The following RNF216 variants were observed in gnomAD, a reference collection of about 807,000 sequenced individuals.
RNF216 encodes E3 ubiquitin-protein ligase RNF216.
A neutral mutation model predicts 110.8 loss-of-function variants in RNF216; 72 were observed. That is an observed-to-expected ratio of 0.65 (90% CI 0.54 to 0.79). RNF216 has a LOEUF of 0.79. Among genes scored for constraint, RNF216 ranks in the 30% least tolerant of loss-of-function variants. The pLI, the probability that RNF216 is intolerant of heterozygous loss-of-function variation, is 0.00. For missense variants in RNF216, 1,342 were observed against 1,141.2 expected, an observed-to-expected ratio of 1.18 and a Z score of -2.54; for synonymous variants, 495 against 407.5, an observed-to-expected ratio of 1.21 and a Z score of -2.59.
intron 9 of RNF216, among the ~76,000 whole-genome samples, chr7:5,720,752 T>G (rs896683037): frequency 3.3e-5 from 5 of 152,134 alleles, no homozygotes; most frequent in African/African-American, 1.2e-4. Flanking sequence ...ATACTATATT[T>G]AGAAAAATTA....
chr7:5,634,964 C>T (rs1787308928), intron 15 of RNF216, among the ~76,000 whole-genome samples: 1 of 152,068 alleles, frequency 6.6e-6, no homozygotes, highest in African/African-American at 2.4e-5. Flanking sequence ...GGTCCCCACC[C>T]CTCTGCAAGG....
At chr7:5,700,524 T>C (rs1584474402) in intron 13 of RNF216, among the ~76,000 whole-genome samples, 1 of 152,304 alleles carries the variant, frequency 6.6e-6, no homozygotes, top group East Asian at 1.9e-4. Context: ...TAATAGGTGG[T>C]GTGTGGTTTC....
At chr7:5,639,482 G>A (rs1348789747) in intron 15 of RNF216, among the ~76,000 whole-genome samples, 1 of 148,428 alleles carries the variant, frequency 6.7e-6, no homozygotes, top group Non-Finnish European at 1.5e-5. Flanking sequence ...TTTTTTTTTT[G>A]AGACAGAGTC....
At position 5,660,265 on chromosome 7, in the gene RNF216, C is replaced by CTTTTTTTTTTTTTTTT. The variant is rs66617363; in HGVS notation, c.2062-7771_2062-7756dup. On this transcript the variant is annotated intron_variant, in intron 13 of 16. Coordinates refer to ENST00000389902, the MANE Select transcript of RNF216 (RefSeq NM_207111.4). ...ACAGAGCCCGGCCCTGTTTTAAATT[C>CTTTTTTTTTTTTTTTT]TTTTTTTTTTTTTTTTTTTTTTTTT... is the stretch of plus-strand genomic sequence containing the variant. 3.0e-4 allele frequency among the ~76,000 whole-genome samples: 10 copies of CTTTTTTTTTTTTTTTT among 33,652 alleles called. 2 individuals are homozygous for CTTTTTTTTTTTTTTTT. Among genetic ancestry groups the CTTTTTTTTTTTTTTTT allele is most frequent in the Non-Finnish European group, 5.5e-4 (9 of 16,338 alleles). 22.1% of individuals were successfully genotyped at this position (33,652 alleles called of 152,430 possible). A position where few individuals can be genotyped will look rare whatever the true frequency, so the allele number is the denominator to read the frequency against.
At chr7:5,669,518 G>A (rs1242110710) in intron 13 of RNF216, among the ~76,000 whole-genome samples, 1 of 152,194 alleles carries the variant, frequency 6.6e-6, no homozygotes, top group African/African-American at 2.4e-5. Context: ...AGATGCTAGA[G>A]AGTGAGGTGA....
At position 5,731,046 on chromosome 7, in the gene RNF216, T is replaced by C. The variant is rs568436191; in HGVS notation, c.1122-229A>G. ...ATTTAAAAAGCAATGAACATACTGA[T>C]TAAGGCAAACTCCTCTGAAGTTTAT... is the stretch of plus-strand genomic sequence containing the variant. On this transcript the variant is annotated intron_variant, in intron 5 of 16. Transcript: ENST00000389902. 3.3e-5 allele frequency among the ~76,000 whole-genome samples: 5 copies of C among 152,336 alleles called. No individual in the cohort carries two copies. The East Asian group carries it at 5.8e-4, about 18-fold the overall frequency.
chr7:5,663,584 A>G (rs1196177484), intron 13 of RNF216, among the ~76,000 whole-genome samples: 3 of 105,026 alleles, frequency 2.9e-5, no homozygotes, highest in South Asian at 4.1e-4. Flanking sequence ...ACTCCACCTC[A>G]GGAAAAAAAA....
Position 5,694,833 on chromosome 7 carries a change from G to A in RNF216, c.2061+16928C>T, listed in dbSNP as rs1025208819. ...AAGTGTTCTAGGTGTTGTCAAAATA[G>A]CTAAGCATTTGTCTACTAACTACTC... On this transcript the variant is annotated intron_variant, in intron 13 of 16. Coordinates refer to ENST00000389902, the MANE Select transcript of RNF216 (RefSeq NM_207111.4). Among the ~76,000 whole-genome samples the A allele has an allele frequency of 2.0e-5, 3 of 152,292 alleles. No homozygotes were observed. The East Asian group carries it at 5.8e-4, about 29-fold the overall frequency.
In RNF216 at chr7:5,741,203, G is replaced by A. The variant is rs1794735453; in HGVS notation, c.814C>T (p.Pro272Ser). 5 of 1,614,136 alleles carry A rather than the reference G, an allele frequency of 3.1e-6. No individual in the cohort carries two copies. The highest frequency in any genetic ancestry group is 1.1e-5 in the South Asian group (1 of 91,078). The part of the protein sequence containing the change: ...RLLFQHEFPG[P>S]AFPRPEPQQG... ...TGGGGTTCCGGCCTTGGAAAAGCGG[G>A]CCCTGGGAATTCATGCTGAAACAAC... The change falls in exon 4 of 17, where the codon CCC becomes TCC. Residue 272 changes from proline (P) to serine (S), a missense_variant. By Grantham distance (74) the Pro-to-Ser change is moderately conservative (BLOSUM62 -1). Coordinates refer to ENST00000389902, the MANE Select transcript of RNF216 (RefSeq NM_207111.4).
At chr7:5,656,652 G>C (rs968509690) in intron 13 of RNF216, among the ~76,000 whole-genome samples, 1 of 152,172 alleles carries the variant, frequency 6.6e-6, no homozygotes, top group Non-Finnish European at 1.5e-5. Context: ...TGCTGGTTAA[G>C]TTTATGATGC....
chr7:5,704,405 A>G (rs1792158206), intron 13 of RNF216, among the ~76,000 whole-genome samples: 1 of 152,220 alleles, frequency 6.6e-6, no homozygotes, highest in Admixed American at 6.5e-5. Flanking sequence ...CTCAAGGATT[A>G]GCGACTGCTT....
chr7:5,627,663 C>T (rs1236349723), intron 15 of RNF216, among the ~76,000 whole-genome samples: 1 of 151,906 alleles, frequency 6.6e-6, no homozygotes, highest in African/African-American at 2.4e-5. Context: ...AGGAGAATGG[C>T]TTGAACCTGG....
At chr7:5,720,288 C>T (rs918315341) in intron 9 of RNF216, among the ~76,000 whole-genome samples, 2 of 152,192 alleles carry the variant, frequency 1.3e-5, no homozygotes, top group South Asian at 2.1e-4. Context: ...GCCTACTCAA[C>T]GTGAAGACCA....
intron 1 of RNF216, among the ~76,000 whole-genome samples, chr7:5,776,420 TAA>T (rs76385326): frequency 1.6e-4 from 21 of 134,784 alleles, no homozygotes; most frequent in South Asian, 2.3e-4. Context: ...CGTCTCTACT[TAA>T]AAAAAAAAAA....
chr7:5,639,579 G>A (rs1346658252), intron 15 of RNF216, among the ~76,000 whole-genome samples: 1 of 149,412 alleles, frequency 6.7e-6, no homozygotes, highest in Non-Finnish European at 1.5e-5. Context: ...TTCTTTCTCA[G>A]TCTCCTGAGT....
chr7:5,769,443 C>T (rs989923812), intron 1 of RNF216, among the ~76,000 whole-genome samples: 3 of 148,408 alleles, frequency 2.0e-5, no homozygotes, highest in African/African-American at 7.4e-5. Context: ...AACAAAGAGG[C>T]TGGGCGTGGT....
At chr7:5,770,815 T>TC (rs1796455385) in intron 1 of RNF216, among the ~76,000 whole-genome samples, 2 of 151,898 alleles carry the variant, frequency 1.3e-5, no homozygotes, top group African/African-American at 4.8e-5. Flanking sequence ...TTTTTTTTTT[T>TC]CTTTCCCCCC....
At chr7:5,716,047 TTTTA>T (rs898526124) in intron 10 of RNF216, among the ~76,000 whole-genome samples, 11 of 152,044 alleles carry the variant, frequency 7.2e-5, no homozygotes, top group Admixed American at 1.3e-4. Flanking sequence ...AGCCCCATTC[TTTTA>T]TTTATTTATT....
intron 9 of RNF216, among the ~76,000 whole-genome samples, 165 bp from the exon 10 acceptor site, chr7:5,716,931 G>C (rs752038628): frequency 3.3e-5 from 5 of 152,188 alleles, no homozygotes; most frequent in African/African-American, 4.8e-5. Context: ...GTGGATCAGA[G>C]AGCTAGAAAA....
Sources: allele counts gnomAD v4.1 joint callset (sites outside exome capture counted in the v4.1 genomes callset), GRCh38; gene constraint gnomAD v4.1.1; transcripts MANE v1.5; gene names NCBI Gene and HGNC (gene_info 2026-07-23, HGNC 2026-07-21).